The following SEL1L3 variants were observed in gnomAD, a reference collection of about 807,000 sequenced individuals.
SEL1L3 encodes the protein protein sel-1 homolog 3.
A neutral mutation model predicts 142.8 loss-of-function variants in SEL1L3; 76 were observed. The ratio of observed to expected loss-of-function variants is 0.53; its 90% confidence interval spans 0.44 to 0.64. The LOEUF (loss-of-function observed/expected upper bound fraction) is 0.64, where lower values mean the gene tolerates loss of function less well. Ranked by LOEUF, SEL1L3 falls within the 30% of genes least tolerant of loss-of-function variation. The probability of loss-of-function intolerance (pLI) is 0.00; values close to 1 mark genes in which losing one functional copy is unlikely to be tolerated. For missense variants in SEL1L3, 1,262 were observed against 1,381.7 expected (o/e 0.91, Z 1.37); for synonymous variants, 504 against 519.6 (o/e 0.97, Z 0.41).
chr4:25,832,916 T>G, intron 5 of SEL1L3, 79 bp downstream of exon 5: 1 of 859,414 alleles, frequency 1.2e-6, no homozygotes, highest in Non-Finnish European at 1.9e-6. Flanking sequence ...CAGATTTTGT[T>G]GCTCCCCGGC....
intron 1 of SEL1L3, among the ~76,000 whole-genome samples, chr4:25,854,827 C>A (rs769032548): frequency 2.6e-5 from 4 of 151,962 alleles, no homozygotes; most frequent in Non-Finnish European, 4.4e-5. Flanking sequence ...TTAAGCTAGG[C>A]AAAGAGATCA....
intron 11 of SEL1L3, among the ~76,000 whole-genome samples, chr4:25,798,302 C>T (rs1054151392): frequency 6.6e-6 from 1 of 152,300 alleles, no homozygotes; most frequent in African/African-American, 2.4e-5. Flanking sequence ...ATCTCTGATA[C>T]TGCAGAGTTA....
At chr4:25,722,873 T>C in the SEL1L3 span, among the ~76,000 whole-genome samples, 1 of 152,130 alleles carries the variant, frequency 6.6e-6, no homozygotes, top group Non-Finnish European at 1.5e-5. Flanking sequence ...GTATGCTTAA[T>C]CAATATATAA....
At chr4:25,846,138 G>A (rs528416731) in intron 2 of SEL1L3, among the ~76,000 whole-genome samples, 1 of 152,310 alleles carries the variant, frequency 6.6e-6, no homozygotes, top group Non-Finnish European at 1.5e-5. Flanking sequence ...CAGAAGAAGA[G>A]CTGGCAGGCA....
chr4:25,720,208 A>C, the SEL1L3 span: 1 of 152,120 alleles, frequency 6.6e-6, no homozygotes, highest in African/African-American at 2.4e-5. Flanking sequence ...GGTTGTTTGA[A>C]GGGCTCATGG....
intron 11 of SEL1L3, among the ~76,000 whole-genome samples, chr4:25,795,563 A>G (rs1712676243): frequency 6.6e-6 from 1 of 152,206 alleles, no homozygotes; most frequent in African/African-American, 2.4e-5. Context: ...ACAGGTGCAG[A>G]CCATCATGGC....
chr4:25,765,794 A>G (rs2109135994), intron 19 of SEL1L3, among the ~76,000 whole-genome samples: 1 of 151,736 alleles, frequency 6.6e-6, no homozygotes. Flanking sequence ...GTGTGCCACC[A>G]CGCCCGGCTA....
At chr4:25,733,666 G>A in the SEL1L3 span, among the ~76,000 whole-genome samples, 79 of 151,706 alleles carry the variant, frequency 5.2e-4, no homozygotes, top group South Asian at 8.6e-3. Flanking sequence ...GACTACAGGC[G>A]CGCACCACCG....
chr4:25,753,629 G>A (rs921636830), intron 23 of SEL1L3, among the ~76,000 whole-genome samples: 3 of 152,152 alleles, frequency 2.0e-5, no homozygotes, highest in African/African-American at 7.2e-5. Context: ...TCCATGCCTC[G>A]ATTTCCCTGC....
intron 9 of SEL1L3, among the ~76,000 whole-genome samples, chr4:25,814,372 C>T (rs971322544): frequency 2.0e-5 from 3 of 152,190 alleles, no homozygotes; most frequent in Admixed American, 2.0e-4. Flanking sequence ...CTTCAGAACA[C>T]ACCCACTCAG....
chr4:25,861,656 G>C (rs867493203), intron 1 of SEL1L3, among the ~76,000 whole-genome samples: 2 of 131,238 alleles, frequency 1.5e-5, no homozygotes, highest in Non-Finnish European at 3.2e-5. Context: ...TTGGCATTCT[G>C]TGAATTTCCT....
chr4:25,731,455 C>A, the SEL1L3 span, among the ~76,000 whole-genome samples: 3 of 152,140 alleles, frequency 2.0e-5, no homozygotes, highest in African/African-American at 7.2e-5. Context: ...GTAAGTGTAT[C>A]CATCACACCC....
chr4:25,783,053 T>C (rs1711538675), intron 14 of SEL1L3, among the ~76,000 whole-genome samples: 1 of 152,202 alleles, frequency 6.6e-6, no homozygotes, highest in African/African-American at 2.4e-5. Flanking sequence ...TCCTCATTAC[T>C]TACCTAAGCT....
At chr4:25,779,306 A>C in intron 15 of SEL1L3, 103 bp from the exon 16 acceptor site, 1 of 1,284,410 alleles carries the variant, frequency 7.8e-7, no homozygotes, top group Non-Finnish European at 1.1e-6. Context: ...ACAGGCTTAT[A>C]ACTTCTGATA....
At chr4:25,836,651 C>CA (rs1440968743) in intron 2 of SEL1L3, among the ~76,000 whole-genome samples, 2 of 151,112 alleles carry the variant, frequency 1.3e-5, no homozygotes, top group East Asian at 1.9e-4. Context: ...GACTCCATCT[C>CA]AAAAAAAAGG....
intron 9 of SEL1L3, 108 bp from the exon 10 acceptor site, chr4:25,804,860 G>A (rs541113467): frequency 1.6e-5 from 13 of 795,586 alleles, no homozygotes; most frequent in Admixed American, 2.1e-5. Flanking sequence ...TGATATGGTC[G>A]GTCCTGCAGT....
intron 11 of SEL1L3, among the ~76,000 whole-genome samples, chr4:25,798,439 G>A (rs113002764): frequency 2.6e-5 from 4 of 151,780 alleles, no homozygotes; most frequent in African/African-American, 4.9e-5. Context: ...GGTGGATTCC[G>A]TGCAGAGATG....
chr4:25,818,422 C>T, intron 8 of SEL1L3, 144 bp from the exon 9 acceptor site: 2 of 748,784 alleles, frequency 2.7e-6, no homozygotes, highest in East Asian at 3.1e-5. Flanking sequence ...TTGAAATTGG[C>T]TATGATGCTT....
intron 20 of SEL1L3, among the ~76,000 whole-genome samples, chr4:25,762,832 G>C (rs1383780247): frequency 1.3e-5 from 2 of 152,084 alleles, no homozygotes; most frequent in Non-Finnish European, 2.9e-5. Context: ...ACAAAAATTA[G>C]CTGGGTGTGG....
Sources: gnomAD v4.1 joint callset for allele counts (sites outside exome capture counted in the v4.1 genomes callset) on GRCh38, gnomAD v4.1.1 for gene constraint, MANE v1.5 for transcripts, NCBI Gene and HGNC (gene_info 2026-07-23, HGNC 2026-07-21) for gene names.